UBR3: variants seen among roughly 807,000 people sequenced by gnomAD.
UBR3 encodes ubiquitin protein ligase E3 component n-recognin 3.
A neutral mutation model predicts 243.2 loss-of-function variants in UBR3; 85 were observed. That is an observed-to-expected ratio of 0.35 (90% CI 0.29 to 0.42). The LOEUF is 0.42. Among genes scored for constraint, UBR3 ranks in the 10% least tolerant of loss-of-function variants. The pLI, the probability that UBR3 is intolerant of heterozygous loss-of-function variation, is 1.00. For missense variants in UBR3, 1,686 were observed against 2,300.8 expected (o/e 0.73, Z 5.47); for synonymous variants, 748 against 799.8 (o/e 0.94, Z 1.09).
intron 1 of UBR3, among the ~76,000 whole-genome samples, chr2:169,831,127 A>ATATATATATATT (rs1450878762): frequency 3.5e-5 from 2 of 56,464 alleles, no homozygotes; most frequent in African/African-American, 1.8e-4. Context: ...ATATATATAT[A>ATATATATATATT]TTTTTTTTTT....
chr2:169,931,108 T>C (rs968991625), intron 18 of UBR3, among the ~76,000 whole-genome samples: 1 of 152,112 alleles, frequency 6.6e-6, no homozygotes, highest in South Asian at 2.1e-4. Flanking sequence ...TCCCAGCACT[T>C]TGGGAGGCCA....
intron 21 of UBR3, among the ~76,000 whole-genome samples, chr2:169,946,666 T>C (rs2086801672): frequency 6.6e-6 from 1 of 152,168 alleles, no homozygotes; most frequent in Non-Finnish European, 1.5e-5. Context: ...ATTATTGAAT[T>C]TGAAATTTGT....
rs561412467 is a variant in UBR3 at position 169,898,669 on chromosome 2, C to CTTT, written c.1465+1948_1465+1950dup. ...TACATTAAAGAATATACTTCTTCAC[C>CTTT]TTTTTTTTTTTTTTTTAAAGATGGA... On this transcript the variant is annotated intron_variant, in intron 8 of 38. Coordinates refer to ENST00000272793, the MANE Select transcript of UBR3 (RefSeq NM_172070.4). Among the ~76,000 whole-genome samples the CTTT allele has an allele frequency of 2.7e-4, 35 of 128,142 alleles. No homozygotes were observed. The South Asian group carries it at 7.0e-3, about 26-fold the overall frequency. 84.1% of individuals were successfully genotyped at this position (128,142 alleles called of 152,430 possible).
At chr2:170,077,097 G>A in intron 36 of UBR3, 1 of 396,048 alleles carries the variant, frequency 2.5e-6, no homozygotes. Flanking sequence ...CCATTTTAAT[G>A]TTTACAATTT....
At chr2:169,954,547 A>G (rs1019628185) in intron 23 of UBR3, among the ~76,000 whole-genome samples, 8 of 149,198 alleles carry the variant, frequency 5.4e-5, no homozygotes, top group African/African-American at 1.2e-4. Context: ...CTAGCCCCCA[A>G]TAATATTTCT....
intron 1 of UBR3, among the ~76,000 whole-genome samples, chr2:169,831,483 T>G (rs928158718): frequency 6.6e-6 from 1 of 152,144 alleles, no homozygotes; most frequent in African/African-American, 2.4e-5. Flanking sequence ...ATTATTATCT[T>G]TGTCTGAAAC....
At chr2:169,882,250 A>C (rs1031647590) in intron 5 of UBR3, among the ~76,000 whole-genome samples, 1 of 134,816 alleles carries the variant, frequency 7.4e-6, no homozygotes, top group Non-Finnish European at 1.5e-5. Context: ...TTGTATATGT[A>C]TATATATTTA....
chr2:170,034,935 C>T (rs2090784370), intron 31 of UBR3, among the ~76,000 whole-genome samples: 1 of 150,974 alleles, frequency 6.6e-6, no homozygotes, highest in Non-Finnish European at 1.5e-5. Context: ...TCTGGAGCAT[C>T]TTTTCATATG....
chr2:169,829,511 C>T (rs1432994575), intron 1 of UBR3, among the ~76,000 whole-genome samples: 2 of 151,002 alleles, frequency 1.3e-5, no homozygotes, highest in African/African-American at 4.9e-5. Flanking sequence ...GAAACCTCCG[C>T]CCCCTGGGTT....
At chr2:169,969,472 G>T (rs1225225930) in intron 24 of UBR3, among the ~76,000 whole-genome samples, 1 of 150,982 alleles carries the variant, frequency 6.6e-6, no homozygotes, top group Non-Finnish European at 1.5e-5. Flanking sequence ...GAATGTTTTT[G>T]GTACCTTTGT....
intron 19 of UBR3, among the ~76,000 whole-genome samples, chr2:169,940,183 T>C (rs2086525756): frequency 6.6e-6 from 1 of 152,130 alleles, no homozygotes; most frequent in Admixed American, 6.5e-5. Context: ...CTTCTAGCTA[T>C]TTTGAAATAT....
In UBR3 at chr2:169,877,561, A is replaced by C. The variant is rs1326175591; in HGVS notation, c.912A>C (p.Gly304=). 1 of 1,549,564 alleles carries C rather than the reference A, an allele frequency of 6.5e-7. No homozygotes were observed. Among genetic ancestry groups the C allele is most frequent in the South Asian group, 1.2e-5 (1 of 83,412 alleles). ...ACCTTATAGCTTTAAAGAGCTCTGG[A>C]CTTACATATCCTGAGGATAAGCTTG... ...EKYLIALKSS[G]LTYPEDKLVY... Residue 304 remains glycine, a synonymous_variant, in exon 4 of 39, where the codon GGA becomes GGC. Coordinates refer to ENST00000272793, the MANE Select transcript of UBR3 (RefSeq NM_172070.4).
At chr2:169,876,270 C>T (rs1223938158) in intron 3 of UBR3, among the ~76,000 whole-genome samples, 1 of 151,650 alleles carries the variant, frequency 6.6e-6, no homozygotes. Flanking sequence ...TTAGTAGAGG[C>T]GGGGTTTCAC....
At chr2:170,014,971 GTTT>G in intron 29 of UBR3, 1 of 166,494 alleles carries the variant, frequency 6.0e-6, no homozygotes. Flanking sequence ...ATATGTTGCA[GTTT>G]TTTTTTTTTT....
At chr2:170,056,270 T>A (rs2091334369) in intron 33 of UBR3, among the ~76,000 whole-genome samples, 1 of 152,094 alleles carries the variant, frequency 6.6e-6, no homozygotes, top group Non-Finnish European at 1.5e-5. Context: ...CCTCCCAAAG[T>A]GCTGGGATTA....
At chr2:169,917,805 C>T (rs1462516583) in intron 11 of UBR3, among the ~76,000 whole-genome samples, 1 of 152,044 alleles carries the variant, frequency 6.6e-6, no homozygotes, top group South Asian at 2.1e-4. Flanking sequence ...TGGGTTCAAG[C>T]GATTCTCCTG....
chr2:169,927,859 A>G (rs922966971), intron 17 of UBR3, among the ~76,000 whole-genome samples: 2 of 152,304 alleles, frequency 1.3e-5, no homozygotes, highest in Admixed American at 6.5e-5. Flanking sequence ...GGATTTTTGA[A>G]TTTATAGATT....
intron 33 of UBR3, among the ~76,000 whole-genome samples, chr2:170,057,378 C>T (rs1005133997): frequency 6.6e-6 from 1 of 152,102 alleles, no homozygotes; most frequent in African/African-American, 2.4e-5. Flanking sequence ...CTTGGCCTCC[C>T]AAAGTGCTGG....
At chr2:169,862,214 A>T (rs536494954) in intron 1 of UBR3, among the ~76,000 whole-genome samples, 132 of 150,520 alleles carry the variant, frequency 8.8e-4, no homozygotes, top group African/African-American at 3.0e-3. Flanking sequence ...GTTTTCATAA[A>T]TTTTTTTTTT....
Sources: allele counts gnomAD v4.1 joint callset (sites outside exome capture counted in the v4.1 genomes callset), GRCh38; gene constraint gnomAD v4.1.1; transcripts MANE v1.5; gene names NCBI Gene and HGNC (gene_info 2026-07-23, HGNC 2026-07-21).